ANO4: variants seen among roughly 807,000 people sequenced by gnomAD.
The protein encoded by ANO4 is anoctamin 4.
ANO4 carries 69 observed loss-of-function variants against 141.9 expected under a neutral mutation model. The ratio of observed to expected loss-of-function variants is 0.49; its 90% confidence interval spans 0.40 to 0.59. The LOEUF (loss-of-function observed/expected upper bound fraction) is 0.59. ANO4 is among the 20% of genes least tolerant of loss of function. The pLI is 0.00. For synonymous variants in ANO4, 350 were observed against 394.3 expected, an observed-to-expected ratio of 0.89 and a Z score of 1.33; for missense variants, 894 against 1,162.2, an observed-to-expected ratio of 0.77 and a Z score of 3.36.
rs552265562 is a variant in ANO4, at chr12:101,044,385, C to T, written c.1251+750C>T. Among the ~76,000 whole-genome samples the T allele has an allele frequency of 7.2e-5, 11 of 152,238 alleles. No homozygotes were observed. The South Asian group carries it at 1.7e-3, about 23-fold the overall frequency. On this transcript the variant is annotated intron_variant, in intron 13 of 27. Coordinates refer to ENST00000392977, the MANE Select transcript of ANO4 (RefSeq NM_001286615.2). ...TGCATACCTCTTTCTCGTGATATGC[C>T]TTACTTTATTTCTTAGACATATTCC... is the stretch of plus-strand genomic sequence containing the variant.
chr12:100,732,344 G>T (rs2031413163), intron 1 of ANO4, among the ~76,000 whole-genome samples: 1 of 152,082 alleles, frequency 6.6e-6, no homozygotes, highest in Non-Finnish European at 1.5e-5. Context: ...ATCTTTTCAT[G>T]TGTGTATCTG....
Position 101,046,532 on chromosome 12 carries a change from C to A in ANO4, c.1252-1809C>A, listed in dbSNP as rs1001896072. ...TCACACACATACCAGTTCAAGATAA[C>A]CTCCCATCTCCCCTGAGGTTTCTCA... is the stretch of plus-strand genomic sequence containing the variant. On this transcript the variant is annotated intron_variant, in intron 13 of 27. Transcript: ENST00000392977. Among the ~76,000 whole-genome samples the A allele has an allele frequency of 5.3e-5, 8 of 152,324 alleles. No individual in the cohort carries two copies. The East Asian group carries it at 9.7e-4, about 18-fold the overall frequency.
intron 3 of ANO4, among the ~76,000 whole-genome samples, chr12:100,769,199 ATCCTCACTT>A (rs2135547401): frequency 6.6e-6 from 1 of 152,360 alleles, no homozygotes; most frequent in East Asian, 1.9e-4. Context: ...AAAATTATTC[ATCCTCACTT>A]TCCTCATCAA....
intron 1 of ANO4, among the ~76,000 whole-genome samples, chr12:100,724,788 T>C (rs1593229609): frequency 6.6e-6 from 1 of 152,132 alleles, no homozygotes; most frequent in African/African-American, 2.4e-5. Flanking sequence ...GAGATAGAGA[T>C]TACCCAGCTA....
intron 13 of ANO4, among the ~76,000 whole-genome samples, chr12:101,043,915 C>T (rs965471727): frequency 2.6e-5 from 4 of 152,210 alleles, no homozygotes; most frequent in Non-Finnish European, 5.9e-5. Context: ...AATTTTGACT[C>T]TGCTGTTTAC....
intron 24 of ANO4, among the ~76,000 whole-genome samples, chr12:101,115,309 C>T (rs909422242): frequency 2.6e-5 from 4 of 152,068 alleles, no homozygotes; most frequent in African/African-American, 7.2e-5. Flanking sequence ...TTACGTAAAT[C>T]GGGTGTGGTG....
intron 2 of ANO4, 150 bp from the exon 3 acceptor site, chr12:100,922,076 T>G (rs1484054129): frequency 4.2e-6 from 2 of 480,958 alleles, no homozygotes; most frequent in Non-Finnish European, 7.0e-6. Context: ...CCTTTTTTTT[T>G]TTTTCTTAAG....
chr12:101,103,218 T>G (rs1332389766), intron 22 of ANO4, among the ~76,000 whole-genome samples: 1 of 126,874 alleles, frequency 7.9e-6, no homozygotes, highest in South Asian at 2.6e-4. Flanking sequence ...TATATATATA[T>G]ATATATATAT....
At chr12:101,080,881 TATTATATATATATATATATACATAC>T (rs1455737945) in intron 15 of ANO4, among the ~76,000 whole-genome samples, 1 of 89,080 alleles carries the variant, frequency 1.1e-5, no homozygotes, top group African/African-American at 4.2e-5. Context: ...TATATATATA[TATTATATATATATATATATACATAC>T]ACATATACAT....
chr12:101,107,332 A>G (rs953452332), intron 22 of ANO4, among the ~76,000 whole-genome samples: 3 of 152,328 alleles, frequency 2.0e-5, no homozygotes, highest in Non-Finnish European at 4.4e-5. Context: ...AAAGAAACAT[A>G]AAGAAGTTGC....
At chr12:101,000,704 G>A (rs143229905) in intron 8 of ANO4, among the ~76,000 whole-genome samples, 14 of 152,264 alleles carry the variant, frequency 9.2e-5, no homozygotes, top group African/African-American at 2.9e-4. Flanking sequence ...CACGCATCTT[G>A]AGATTTGTGC....
At chr12:101,029,998 C>T (rs375141634) in intron 9 of ANO4, among the ~76,000 whole-genome samples, 2 of 150,348 alleles carry the variant, frequency 1.3e-5, no homozygotes, top group African/African-American at 4.9e-5. Flanking sequence ...TAGAGACCTA[C>T]AAAGAGACTT....
In ANO4 at chr12:101,008,942, T is replaced by C. The variant is rs375544171; in HGVS notation, c.735-11092T>C. On this transcript the variant is annotated intron_variant, in intron 8 of 27. Transcript: ENST00000392977. ...TCTTTCACTTTTGTGGCATCTTCTGTTTCCTGTGTATCATTTCTTACACTT... is the reference window on the plus strand; with the variant it reads ...TCTTTCACTTTTGTGGCATCTTCTGCTTCCTGTGTATCATTTCTTACACTT... Among the ~76,000 whole-genome samples the C allele has an allele frequency of 3.9e-5, 6 of 152,292 alleles. No homozygotes were observed. The South Asian group carries it at 1.2e-3, about 32-fold the overall frequency.
chr12:100,774,143 T>C (rs113995579), intron 3 of ANO4, among the ~76,000 whole-genome samples: 1,671 of 151,924 alleles, frequency 0.011, 33 homozygotes, highest in African/African-American at 0.038. Context: ...AAAGTCTGTC[T>C]TGAAAAAAAT....
chr12:100,805,974 G>T (rs1472710147), intron 1 of ANO4, among the ~76,000 whole-genome samples: 2 of 152,122 alleles, frequency 1.3e-5, no homozygotes, highest in Non-Finnish European at 2.9e-5. Context: ...GATGAGAAAA[G>T]GAGCAACCTA....
chr12:100,845,685 C>T (rs1385166219), intron 1 of ANO4, among the ~76,000 whole-genome samples: 2 of 152,030 alleles, frequency 1.3e-5, no homozygotes, highest in Non-Finnish European at 2.9e-5. Context: ...TAAGAAAAAG[C>T]ACAATTACTC....
chr12:101,073,566 T>TATAATAATAATACTAATA (rs1555294610), intron 14 of ANO4, among the ~76,000 whole-genome samples: 1 of 143,634 alleles, frequency 7.0e-6, no homozygotes, highest in African/African-American at 2.6e-5. Context: ...GAACTTAAAG[T>TATAATAATAATACTAATA]ATAATAATAA....
intron 3 of ANO4, among the ~76,000 whole-genome samples, chr12:100,765,006 A>AT (rs1236815748): frequency 1.3e-5 from 2 of 152,052 alleles, no homozygotes; most frequent in Non-Finnish European, 2.9e-5. Context: ...TTCTTCTTCA[A>AT]TTTTTTTGAA....
chr12:100,911,959 T>C (rs2041118838), intron 2 of ANO4, among the ~76,000 whole-genome samples: 1 of 152,156 alleles, frequency 6.6e-6, no homozygotes. Context: ...CTTTCACAAA[T>C]TTTTCTCCTG....
Sources: allele counts gnomAD v4.1 joint callset (sites outside exome capture counted in the v4.1 genomes callset), GRCh38; gene constraint gnomAD v4.1.1; transcripts MANE v1.5; gene names NCBI Gene and HGNC (gene_info 2026-07-23, HGNC 2026-07-21).